Variants in CYP4Z1 observed in about 807,000 individuals in gnomAD.
The protein encoded by CYP4Z1 is cytochrome P450 family 4 subfamily Z member 1, also known as cytochrome P450 4Z1.
CYP4Z1 carries 41 observed loss-of-function variants against 54.2 expected under a neutral mutation model. The ratio of observed to expected loss-of-function variants is 0.76; its 90% CI spans 0.59 to 0.98. The LOEUF (loss-of-function observed/expected upper bound fraction) is 0.98. CYP4Z1 is among the 50% of genes least tolerant of loss of function. The probability of loss-of-function intolerance (pLI) is 0.00; values close to 1 mark genes in which losing one functional copy is unlikely to be tolerated. For missense variants in CYP4Z1, 513 were observed against 599.0 expected, an observed-to-expected ratio of 0.86 and a Z score of 1.50; for synonymous variants, 163 against 206.2, an observed-to-expected ratio of 0.79 and a Z score of 1.79.
At position 47,099,079 on chromosome 1, in the gene CYP4Z1, C is replaced by A; in HGVS notation, c.877-15C>A. Reference sequence around the variant, plus strand: ...ATAGCCAGCTTTGGATAAAGATCATCACTGTATTTTTTAGAGCGAAAACAC... The same window carrying A: ...ATAGCCAGCTTTGGATAAAGATCATAACTGTATTTTTTAGAGCGAAAACAC... On this transcript the variant is annotated splice_polypyrimidine_tract_variant and intron_variant, in intron 7 of 11. Transcript: ENST00000334194. 6.2e-7 allele frequency: 1 copy of A among 1,613,862 alleles called. No homozygotes were observed. Among genetic ancestry groups the A allele is most frequent in the Middle Eastern group, 1.7e-4 (1 of 6,060 alleles).
chr1:47,069,283 G>A (rs1365890067), intron 2 of CYP4Z1, among the ~76,000 whole-genome samples: 5 of 152,242 alleles, frequency 3.3e-5, no homozygotes, highest in East Asian at 1.9e-4. Flanking sequence ...CTTCTTGGCC[G>A]TGGCAAGATG....
intron 8 of CYP4Z1, among the ~76,000 whole-genome samples, chr1:47,103,542 G>GC (rs1644735138): frequency 8.0e-6 from 1 of 125,692 alleles, no homozygotes; most frequent in Non-Finnish European, 1.8e-5. Context: ...TCTTTTTAGT[G>GC]TTTTTCTGCA....
chr1:47,104,686 A>C (rs535457435), intron 8 of CYP4Z1, among the ~76,000 whole-genome samples: 61 of 152,238 alleles, frequency 4.0e-4, no homozygotes, highest in African/African-American at 1.4e-3. Context: ...CTCAGGTGCC[A>C]ATGATAGACT....
the CYP4Z1 span, among the ~76,000 whole-genome samples, chr1:47,060,727 C>G: frequency 9.2e-5 from 14 of 152,176 alleles, no homozygotes; most frequent in Non-Finnish European, 1.9e-4. Context: ...ACAGGACTCT[C>G]TATCCCAAAA....
At chr1:47,065,993 C>T (rs757556481), upstream of CYP4Z1, among the ~76,000 whole-genome samples, 8 of 151,936 alleles carry the variant, frequency 5.3e-5, no homozygotes, top group Non-Finnish European at 1.2e-4. Flanking sequence ...GATATAGAAT[C>T]GCCGAACAGA....
intron 6 of CYP4Z1, among the ~76,000 whole-genome samples, chr1:47,091,387 T>C (rs1189114212): frequency 2.1e-5 from 3 of 143,822 alleles, no homozygotes; most frequent in Non-Finnish European, 3.0e-5. Context: ...CTATTGCTCA[T>C]GGAAGAAAAA....
chr1:47,068,846 G>A, intron 2 of CYP4Z1, 83 bp downstream of exon 2: 1 of 1,520,202 alleles, frequency 6.6e-7, no homozygotes, highest in East Asian at 2.3e-5. Flanking sequence ...AGGACAGGTT[G>A]AAGCATTTTT....
chr1:47,055,885 G>T, the CYP4Z1 span, among the ~76,000 whole-genome samples: 1 of 151,854 alleles, frequency 6.6e-6, no homozygotes, highest in Non-Finnish European at 1.5e-5. Flanking sequence ...TGGATTCATT[G>T]ATTTTTTGAA....
At chr1:47,113,660 C>A (rs1383020048) in intron 9 of CYP4Z1, among the ~76,000 whole-genome samples, 2 of 152,140 alleles carry the variant, frequency 1.3e-5, no homozygotes, top group African/African-American at 4.8e-5. Context: ...AACAGGCAAA[C>A]AGAGAGCCAA....
chr1:47,068,370 A>G (rs950133412), intron 1 of CYP4Z1, among the ~76,000 whole-genome samples: 1 of 152,200 alleles, frequency 6.6e-6, no homozygotes, highest in Non-Finnish European at 1.5e-5. Flanking sequence ...TTGAACTTAA[A>G]TCTCCAAAGT....
At chr1:47,080,178 A>G (rs967329917) in intron 2 of CYP4Z1, among the ~76,000 whole-genome samples, 1 of 126,198 alleles carries the variant, frequency 7.9e-6, no homozygotes, top group Non-Finnish European at 1.6e-5. Context: ...ATTTATATAC[A>G]TCTTTCTCAA....
At chr1:47,064,117 C>T (rs1421931999), upstream of CYP4Z1, among the ~76,000 whole-genome samples, 1 of 138,574 alleles carries the variant, frequency 7.2e-6, no homozygotes, top group Non-Finnish European at 1.5e-5. Flanking sequence ...GAGTCTCACT[C>T]TGTTGCCCAC....
chr1:47,088,814 G>A (rs1272446666), intron 6 of CYP4Z1, among the ~76,000 whole-genome samples: 1 of 129,930 alleles, frequency 7.7e-6, no homozygotes, highest in East Asian at 2.3e-4. Context: ...TAGAGGCAGG[G>A]TTTCACCATT....
chr1:47,104,472 G>T (rs1387579533), intron 8 of CYP4Z1, among the ~76,000 whole-genome samples: 3 of 152,200 alleles, frequency 2.0e-5, no homozygotes, highest in African/African-American at 7.2e-5. Context: ...GGTGGGTCAG[G>T]TAGGTGGGTG....
At chr1:47,058,493 T>G in the CYP4Z1 span, among the ~76,000 whole-genome samples, 1 of 152,090 alleles carries the variant, frequency 6.6e-6, no homozygotes, top group Non-Finnish European at 1.5e-5. Context: ...AAATTTGAGG[T>G]GCTAAGTATC....
At chr1:47,085,752 G>C (rs1176939474) in intron 6 of CYP4Z1, among the ~76,000 whole-genome samples, 1 of 150,570 alleles carries the variant, frequency 6.6e-6, no homozygotes, top group Admixed American at 6.6e-5. Context: ...GTGCAGGTTT[G>C]TTACATATGT....
At chr1:47,103,565 T>C (rs1644735308) in intron 8 of CYP4Z1, among the ~76,000 whole-genome samples, 1 of 150,756 alleles carries the variant, frequency 6.6e-6, no homozygotes, top group African/African-American at 2.4e-5. Context: ...CTCTTGTATC[T>C]CACCTTCTTC....
chr1:47,064,999 A>G (rs1176288740), upstream of CYP4Z1, among the ~76,000 whole-genome samples: 2 of 152,192 alleles, frequency 1.3e-5, no homozygotes, highest in African/African-American at 2.4e-5. Flanking sequence ...AAATACTGCA[A>G]TTCTAAATAT....
chr1:47,056,749 C>CT, the CYP4Z1 span, among the ~76,000 whole-genome samples: 6 of 151,432 alleles, frequency 4.0e-5, no homozygotes, highest in East Asian at 3.9e-4. Flanking sequence ...CAACTCCTGC[C>CT]TTTTTTTTGT....
Sources: gnomAD v4.1 joint callset for allele counts (sites outside exome capture counted in the v4.1 genomes callset) on GRCh38, gnomAD v4.1.1 for gene constraint, MANE v1.5 for transcripts, NCBI Gene and HGNC (gene_info 2026-07-23, HGNC 2026-07-21) for gene names.